ALDOB: variants seen among roughly 807,000 people sequenced by gnomAD.
The protein encoded by ALDOB is aldolase, fructose-bisphosphate B.
In ALDOB, 39 loss-of-function variants were observed where a neutral mutation model predicts 41.0. That is an observed-to-expected ratio of 0.95 (90% CI 0.74 to 1.24). The LOEUF (loss-of-function observed/expected upper bound fraction) is 1.24. ALDOB is among the 50% of genes most tolerant of loss of function. The probability of loss-of-function intolerance (pLI) is 0.00; values close to 1 mark genes in which losing one functional copy is unlikely to be tolerated. For synonymous variants in ALDOB, 175 were observed against 168.8 expected, an observed-to-expected ratio of 1.04 and a Z score of -0.28; for missense variants, 530 against 457.3, an observed-to-expected ratio of 1.16 and a Z score of -1.45.
At position 101,428,324 on chromosome 9, in the gene ALDOB, T is replaced by C. The variant is rs923841008; in HGVS notation, c.379+145A>G. ...CTGGCCCAAGGTCACAGTTGTTAAA[T>C]GGAGGAGCTGGTATTGAAAACCAGG... On this transcript the variant is annotated intron_variant, in intron 4 of 8. Coordinates refer to ENST00000647789, the MANE Select transcript of ALDOB (RefSeq NM_000035.4). 1.2e-5 allele frequency: 9 copies of C among 768,740 alleles called. No homozygotes were observed. The African/African-American group carries it at 1.4e-4, about 12-fold the overall frequency. The allele number at this position is 768,740 out of a possible 1,614,324, so 47.6% of individuals were successfully genotyped here.
chr9:101,428,873 G>A (rs6479051), intron 3 of ALDOB, among the ~76,000 whole-genome samples: 3,636 of 152,232 alleles, frequency 0.024, 148 homozygotes, highest in African/African-American at 0.083. Context: ...GTGTGGGCAA[G>A]TTATGTTACT....
chr9:101,430,985 T>C, intron 1 of ALDOB, 88 bp from the exon 2 acceptor site: 1 of 885,718 alleles, frequency 1.1e-6, no homozygotes, highest in South Asian at 1.4e-5. Flanking sequence ...GCAGACATGC[T>C]GTGCAGACCT....
chr9:101,431,450 G>A (rs1383266454), intron 1 of ALDOB, among the ~76,000 whole-genome samples: 1 of 152,214 alleles, frequency 6.6e-6, no homozygotes, highest in African/African-American at 2.4e-5. Flanking sequence ...TTGGGTGCAA[G>A]TTTCCTTTTC....
chr9:101,430,131 T>C (rs1379039624), intron 2 of ALDOB, among the ~76,000 whole-genome samples, 165 bp from the exon 3 acceptor site: 2 of 152,190 alleles, frequency 1.3e-5, no homozygotes, highest in Non-Finnish European at 2.9e-5. Context: ...GAGAAGACCC[T>C]GGTTGCTCTC....
At chr9:101,422,045 G>A in intron 8 of ALDOB, 141 bp from the exon 9 acceptor site, 1 of 731,130 alleles carries the variant, frequency 1.4e-6, no homozygotes, top group South Asian at 1.5e-5. Context: ...TATTGCTGGG[G>A]ATACCATCCC....
At chr9:101,427,776 A>T in intron 4 of ALDOB, 134 bp from the exon 5 acceptor site, 1 of 1,045,266 alleles carries the variant, frequency 9.6e-7, no homozygotes, top group Non-Finnish European at 1.4e-6. Context: ...ACAGCCAAGC[A>T]TATCAGCATT....
rs1042057418 is a variant in ALDOB at position 101,426,717 on chromosome 9, C to A, written c.541-79G>T. On this transcript the variant is annotated intron_variant, in intron 5 of 8. Coordinates refer to ENST00000647789, the MANE Select transcript of ALDOB (RefSeq NM_000035.4). ...TCCTTAGGAGGAGATTCAACAGTTG[C>A]AATTGGTATAAATTGAAGCCATTAT... The A allele has an allele frequency of 3.5e-5, 31 of 884,530 alleles. No homozygotes were observed. In the East Asian group the frequency reaches 6.8e-4, roughly 19 times the overall value. The allele number at this position is 884,530 out of a possible 1,614,324, so 54.8% of individuals were successfully genotyped here. A position where few individuals can be genotyped will look rare whatever the true frequency, so the allele number is the denominator to read the frequency against.
chr9:101,431,027 G>A (rs1475924568), intron 1 of ALDOB, 130 bp from the exon 2 acceptor site: 7 of 710,172 alleles, frequency 9.9e-6, no homozygotes, highest in Non-Finnish European at 1.8e-5. Context: ...TCCACAGGTG[G>A]ATAAGCAAAT....
At chr9:101,432,691 T>A (rs1251158535) in intron 1 of ALDOB, among the ~76,000 whole-genome samples, 1 of 152,176 alleles carries the variant, frequency 6.6e-6, no homozygotes, top group Non-Finnish European at 1.5e-5. Context: ...TCTTTTCCCC[T>A]CCCATTTAAT....
chr9:101,429,513 T>C (rs1831182758), intron 3 of ALDOB, among the ~76,000 whole-genome samples: 2 of 152,080 alleles, frequency 1.3e-5, no homozygotes, highest in Non-Finnish European at 2.9e-5. Flanking sequence ...AGATTCCCAT[T>C]TTAAGAAATG....
At chr9:101,428,618 G>A in intron 3 of ALDOB, 95 bp from the exon 4 acceptor site, 1 of 1,089,642 alleles carries the variant, frequency 9.2e-7, no homozygotes, top group Non-Finnish European at 1.4e-6. Context: ...ACAGATCAAG[G>A]AGTTGAATTA....
chr9:101,422,674 G>C (rs906469545), intron 8 of ALDOB, among the ~76,000 whole-genome samples: 1 of 152,154 alleles, frequency 6.6e-6, no homozygotes, highest in Admixed American at 6.5e-5. Context: ...TAGGCAGAAG[G>C]AATAAGTTCT....
chr9:101,426,562 G>T lies in ALDOB; in HGVS notation c.617C>A (p.Thr206Asn). ...TTCATATTTAAAACTTACCTTCTCA[G>T]TAACATACTGGCAGTGTTCCAGGTC... ...DHDLEHCQYV[T>N]EKVLAAVYKA... Residue 206 changes from threonine (T) to asparagine (N), a missense_variant, in exon 6 of 9, where the codon ACT (threonine) becomes AAT (asparagine). Transcript: ENST00000647789. 6.2e-7 allele frequency: 1 copy of T among 1,608,366 alleles called. No individual in the cohort carries two copies. Among genetic ancestry groups the T allele is most frequent in the Admixed American group, 1.7e-5 (1 of 60,000 alleles).
Position 101,428,494 on chromosome 9 carries a change from T to C in ALDOB, c.354A>G (p.Gly118=), listed in dbSNP as rs1831162887. ...CTTGAATGGTGGTTTCTTTGTTTGT[T>C]CCTGCAAGAGGAGCACCTCCTTGGT... ...KLDQGGAPLA[G]TNKETTIQGL... Residue 118 remains glycine (G), a synonymous_variant, in exon 4 of 9, where the codon GGA becomes GGG. Transcript: ENST00000647789. The C allele has an allele frequency of 6.2e-7, 1 of 1,614,008 alleles. No homozygotes were observed.
At chr9:101,430,695 G>T in intron 2 of ALDOB, 81 bp downstream of exon 2, 1 of 1,076,812 alleles carries the variant, frequency 9.3e-7, no homozygotes, top group Non-Finnish European at 1.4e-6. Context: ...CTTCCATAAA[G>T]AATATGATTA....
Position 101,421,678 on chromosome 9 carries a change from A to G in ALDOB, c.*131T>C. The stretch of plus-strand genomic sequence containing the variant: ...GATTTATTTTTTCCCCCTTGTACTT[A>G]AGATTTAACATGTGTTGTATTTCCA... On this transcript the variant is annotated 3_prime_UTR_variant, in exon 9 of 9. Coordinates refer to ENST00000647789, the MANE Select transcript of ALDOB (RefSeq NM_000035.4). 1 of 773,262 alleles carries G rather than the reference A, an allele frequency of 1.3e-6. No individual in the cohort carries two copies. Among genetic ancestry groups the G allele is most frequent in the Non-Finnish European group, 2.3e-6 (1 of 434,958 alleles). 47.9% of individuals were successfully genotyped at this position (773,262 alleles called of 1,614,324 possible).
intron 4 of ALDOB, 117 bp downstream of exon 4, chr9:101,428,352 C>T (rs369099910): frequency 4.5e-5 from 42 of 926,624 alleles, no homozygotes; most frequent in Non-Finnish European, 7.2e-5. Flanking sequence ...AAACCAGGTA[C>T]GTGTGGCTCT....
At chr9:101,426,329 C>T (rs1189565648) in intron 6 of ALDOB, among the ~76,000 whole-genome samples, 3 of 152,128 alleles carry the variant, frequency 2.0e-5, no homozygotes, top group Non-Finnish European at 4.4e-5. Context: ...AGTGGAAAAG[C>T]GGATTCTCCA....
In ALDOB at chr9:101,428,468, C is replaced by A. The variant is rs138121153; in HGVS notation, c.379+1G>T. On this transcript the variant is annotated splice_donor_variant, in intron 4 of 8. Coordinates refer to ENST00000647789, the MANE Select transcript of ALDOB (RefSeq NM_000035.4). LOFTEE classifies it high-confidence loss of function. ...TTCATCTCAGTGGGCAATATCCTTA[C>A]CTTGAATGGTGGTTTCTTTGTTTGT... The A allele has an allele frequency of 7.4e-6, 12 of 1,613,496 alleles. No individual in the cohort carries two copies. The African/African-American group carries it at 1.5e-4, about 20-fold the overall frequency.
Sources: allele counts gnomAD v4.1 joint callset (sites outside exome capture counted in the v4.1 genomes callset), GRCh38; gene constraint gnomAD v4.1.1; transcripts MANE v1.5; gene names NCBI Gene and HGNC (gene_info 2026-07-23, HGNC 2026-07-21).